The following PCDHGB5 variants were observed in gnomAD, a reference collection of about 807,000 sequenced individuals.
PCDHGB5 encodes the protein protocadherin gamma-B5.
In PCDHGB5, 48 loss-of-function variants were observed where a neutral mutation model predicts 62.9. The ratio of observed to expected loss-of-function variants is 0.76; its 90% CI spans 0.61 to 0.97. The LOEUF is 0.97. PCDHGB5 is among the 50% of genes least tolerant of loss of function. PCDHGB5 has a pLI of 0.00. For missense variants in PCDHGB5, 1,118 were observed against 1,198.6 expected (o/e 0.93, Z 0.99); for synonymous variants, 474 against 511.2 (o/e 0.93, Z 0.98).
rs774682943 is a variant in PCDHGB5 at position 141,493,841 on chromosome 5, T to G, written c.2398-966T>G. Among the ~76,000 whole-genome samples the G allele has an allele frequency of 3.3e-5, 5 of 152,024 alleles. No homozygotes were observed. Among genetic ancestry groups the G allele is most frequent in the Non-Finnish European group, 7.4e-5 (5 of 68,010 alleles). On this transcript the variant is annotated intron_variant, in intron 1 of 3. Transcript: ENST00000617380. This position sits in a 1 kb window ranked among gnomAD's most constrained non-coding sequence, Gnocchi z 4.3. The stretch of plus-strand genomic sequence containing the variant: ...CTCTGCTTCTGGGAGCAAGTATGAG[T>G]ATTAATTACCAGCCCACCCCAGAAC...
chr5:141,495,384 C>A (rs2099760896), intron 2 of PCDHGB5, among the ~76,000 whole-genome samples: 1 of 152,190 alleles, frequency 6.6e-6, no homozygotes, highest in African/African-American at 2.4e-5. Flanking sequence ...AAGGACTGGG[C>A]GGGGCATGGA....
chr5:141,414,990 C>A (rs1442265707), intron 1 of PCDHGB5: 5 of 1,613,794 alleles, frequency 3.1e-6, no homozygotes, highest in Admixed American at 1.7e-5. Context: ...CCGGCCAGAA[C>A]GCCTGGCTGT....
chr5:141,497,538 AC>A lies in PCDHGB5; in HGVS notation c.2456+2675del, dbSNP rs1247704872. Among the ~76,000 whole-genome samples, 601 of 142,636 alleles carry A rather than the reference AC, an allele frequency of 4.2e-3. 3 individuals are homozygous for A. Among genetic ancestry groups the A allele is most frequent in the African/African-American group, 0.013 (497 of 38,408 alleles). The allele number at this position is 142,636 out of a possible 152,430, so 93.6% of individuals were successfully genotyped here. On this transcript the variant is annotated intron_variant, in intron 2 of 3. Coordinates refer to ENST00000617380, the MANE Select transcript of PCDHGB5 (RefSeq NM_018925.3). ...AGTTAACTTGTGGAGGATGCAACAA[AC>A]CTTTTTTTTTTTTTTTTTTAGACAG...
At chr5:141,459,670 T>A (rs890411975) in intron 1 of PCDHGB5, among the ~76,000 whole-genome samples, 4 of 152,264 alleles carry the variant, frequency 2.6e-5, no homozygotes, top group African/African-American at 9.6e-5. Context: ...TACATTTTCA[T>A]GAGCAATGCA....
chr5:141,481,475 C>T (rs1423011632), intron 1 of PCDHGB5, among the ~76,000 whole-genome samples: 1 of 152,200 alleles, frequency 6.6e-6, no homozygotes, highest in Non-Finnish European at 1.5e-5. Context: ...TTGGATTATA[C>T]ACTTTAAATA....
chr5:141,482,103 A>C (rs34394498), intron 1 of PCDHGB5, among the ~76,000 whole-genome samples: 2 of 142,250 alleles, frequency 1.4e-5, no homozygotes, highest in Non-Finnish European at 3.0e-5. Flanking sequence ...AAAAAAAAAA[A>C]AATATCTAGA....
At chr5:141,422,849 C>T in intron 1 of PCDHGB5, 1 of 1,614,238 alleles carries the variant, frequency 6.2e-7, no homozygotes, top group Non-Finnish European at 8.5e-7. Context: ...AGCGGGGACC[C>T]GCCCCTCAGC....
chr5:141,494,935 G>A, intron 2 of PCDHGB5, 70 bp downstream of exon 2: 1 of 1,612,482 alleles, frequency 6.2e-7, no homozygotes, highest in Non-Finnish European at 8.5e-7. Flanking sequence ...GGGAGGAGAT[G>A]GGGGAGGGCC....
intron 1 of PCDHGB5, among the ~76,000 whole-genome samples, chr5:141,435,375 A>G (rs80179854): frequency 0.034 from 5,131 of 152,264 alleles, 102 homozygotes; most frequent in Middle Eastern, 0.088. Flanking sequence ...TTAAATATAC[A>G]ATATACCGTA....
At position 141,431,828 on chromosome 5, in the gene PCDHGB5, C is replaced by G. The variant is rs750949066; in HGVS notation, c.2397+31304C>G. ...CCTCACCTCTCTCGCCAGCTCGGTTCCCGAAAACTCTCCCAGAGGGACATT... is the reference window on the plus strand; with the variant it reads ...CCTCACCTCTCTCGCCAGCTCGGTTGCCGAAAACTCTCCCAGAGGGACATT... On this transcript the variant is annotated intron_variant, in intron 1 of 3. Coordinates refer to ENST00000617380, the MANE Select transcript of PCDHGB5 (RefSeq NM_018925.3). This position sits in a 1 kb window ranked among gnomAD's most constrained non-coding sequence, Gnocchi z 4.8. The G allele has an allele frequency of 5.6e-6, 9 of 1,610,208 alleles. No homozygotes were observed. Among genetic ancestry groups the G allele is most frequent in the Non-Finnish European group, 1.7e-6 (2 of 1,176,374 alleles).
intron 1 of PCDHGB5, chr5:141,423,839 A>C: frequency 7.8e-7 from 1 of 1,279,970 alleles, no homozygotes; most frequent in Admixed American, 3.8e-5. Flanking sequence ...AGATTACGAT[A>C]ATCTTTCAGA....
At position 141,400,343 on chromosome 5, in the gene PCDHGB5, A is replaced by G; in HGVS notation, c.2216A>G (p.Tyr739Cys). 1 of 1,614,026 alleles carries G rather than the reference A, an allele frequency of 6.2e-7. No individual in the cohort carries two copies. The highest frequency in any genetic ancestry group is 1.1e-5 in the South Asian group (1 of 91,088). The change falls in exon 1 of 4, where the codon TAC becomes TGC. Residue 739 changes from tyrosine to cysteine, a missense_variant. This residue lies in a region of PCDHGB5 where 1,034 missense variants were observed against 1,029.1 expected (regional missense o/e 1.00). Coordinates refer to ENST00000617380, the MANE Select transcript of PCDHGB5 (RefSeq NM_018925.3). ...VKSGPVVPPN[Y>C]SQGTLPYSYN... ...TCTGGACCTGTGGTTCCCCCCAACT[A>G]CAGTCAGGGGACTTTGCCTTATTCC...
At position 141,490,460 on chromosome 5, in the gene PCDHGB5, TA is replaced by T. The variant is rs1393913480; in HGVS notation, c.2398-4345del. 1.2e-6 allele frequency: 2 copies of T among 1,614,094 alleles called. No individual in the cohort carries two copies. The highest frequency in any genetic ancestry group is 1.7e-6 in the Non-Finnish European group (2 of 1,180,048). On this transcript the variant is annotated intron_variant, in intron 1 of 3. Coordinates refer to ENST00000617380, the MANE Select transcript of PCDHGB5 (RefSeq NM_018925.3). The surrounding 1 kb of genome is among the most constrained non-coding windows in gnomAD (Gnocchi z 5.4). ...CCTTCTGAGAACCACTACTCGCTGC[TA>T]ACCAGCCAGCCTTTGGACCGGGAGG... is the stretch of plus-strand genomic sequence containing the variant.
At position 141,489,220 on chromosome 5, in the gene PCDHGB5, C is replaced by T; in HGVS notation, c.2398-5587C>T. ...AGACAGGACAGCACAGACTTACTCT[C>T]CACAAAGGGACTTCTGGGTCATGGG... On this transcript the variant is annotated intron_variant, in intron 1 of 3. Transcript: ENST00000617380. This position sits in a 1 kb window ranked among gnomAD's most constrained non-coding sequence, Gnocchi z 4.5. The T allele has an allele frequency of 6.6e-7, 1 of 1,508,698 alleles. No homozygotes were observed. The highest frequency in any genetic ancestry group is 8.9e-7 in the Non-Finnish European group (1 of 1,122,110). The allele number at this position is 1,508,698 out of a possible 1,614,324, so 93.5% of individuals were successfully genotyped here.
intron 1 of PCDHGB5, chr5:141,421,166 A>T: frequency 7.7e-7 from 1 of 1,301,524 alleles, no homozygotes; most frequent in Non-Finnish European, 1.0e-6. Context: ...CTTCATAGAT[A>T]CATAAGCCGA....
intron 1 of PCDHGB5, among the ~76,000 whole-genome samples, chr5:141,442,879 A>T (rs1399128822): frequency 6.6e-6 from 1 of 152,256 alleles, no homozygotes; most frequent in Non-Finnish European, 1.5e-5. Flanking sequence ...TTTACAACTC[A>T]GAATCCCTGC....
intron 2 of PCDHGB5, among the ~76,000 whole-genome samples, chr5:141,497,735 C>T (rs1299892535): frequency 2.6e-5 from 4 of 152,144 alleles, no homozygotes; most frequent in Non-Finnish European, 4.4e-5. Flanking sequence ...AGATGGGTTT[C>T]GCCACGTTGG....
chr5:141,401,458 A>T (rs1470076616), intron 1 of PCDHGB5, among the ~76,000 whole-genome samples: 1 of 152,186 alleles, frequency 6.6e-6, no homozygotes, highest in Non-Finnish European at 1.5e-5. Context: ...CATCCAAATA[A>T]TTTTCTAAGT....
chr5:141,481,257 A>T (rs2099534664), intron 1 of PCDHGB5, among the ~76,000 whole-genome samples: 1 of 152,172 alleles, frequency 6.6e-6, no homozygotes, highest in African/African-American at 2.4e-5. Context: ...GCTCTAAAAG[A>T]TCACTGTAGG....
Sources: allele counts gnomAD v4.1 joint callset (sites outside exome capture counted in the v4.1 genomes callset), GRCh38; gene constraint gnomAD v4.1.1; regional missense constraint gnomAD v4.1.1; non-coding constraint Gnocchi (gnomAD v3.1); transcripts MANE v1.5; gene names NCBI Gene and HGNC (gene_info 2026-07-23, HGNC 2026-07-21).